The following EPCIP variants were observed in gnomAD, a reference collection of about 807,000 sequenced individuals.
The protein encoded by EPCIP is exosomal polycystin 1 interacting protein.
chr21:32,790,935 A>G, the EPCIP span: 3 of 152,284 alleles, frequency 2.0e-5, no homozygotes, highest in African/African-American at 7.2e-5. Flanking sequence ...GAGAATTCAC[A>G]TAACAACCTG....
the EPCIP span, among the ~76,000 whole-genome samples, chr21:32,812,775 C>T: frequency 6.6e-6 from 1 of 152,020 alleles, no homozygotes; most frequent in Non-Finnish European, 1.5e-5. Context: ...TCAGTATACA[C>T]CAACATACTT....
At chr21:32,809,284 CTTTCTTT>C in the EPCIP span, among the ~76,000 whole-genome samples, 158 of 107,614 alleles carry the variant, frequency 1.5e-3, 1 homozygote, top group African/African-American at 5.5e-3. Context: ...TCCTTCCTTT[CTTTCTTT>C]CTTTCTTTCT....
chr21:32,802,282 G>A, the EPCIP span, among the ~76,000 whole-genome samples: 2 of 152,196 alleles, frequency 1.3e-5, no homozygotes, highest in African/African-American at 2.4e-5. Context: ...ACAAACTGTA[G>A]CATTTTTAAA....
chr21:32,804,680 G>T, the EPCIP span, among the ~76,000 whole-genome samples: 1 of 152,028 alleles, frequency 6.6e-6, no homozygotes, highest in Non-Finnish European at 1.5e-5. Context: ...CAGAGAACAA[G>T]CACAGCGTAA....
At chr21:32,809,497 C>T in the EPCIP span, among the ~76,000 whole-genome samples, 3 of 151,622 alleles carry the variant, frequency 2.0e-5, no homozygotes, top group African/African-American at 4.9e-5. Context: ...CCTCAGCCTC[C>T]TGAGTAGCTA....
At chr21:32,803,575 T>G in the EPCIP span, among the ~76,000 whole-genome samples, 1 of 152,250 alleles carries the variant, frequency 6.6e-6, no homozygotes, top group Non-Finnish European at 1.5e-5. Context: ...AGCATTTTTC[T>G]TTTCTTTGGC....
At chr21:32,802,182 T>A in the EPCIP span, among the ~76,000 whole-genome samples, 1 of 152,206 alleles carries the variant, frequency 6.6e-6, no homozygotes, top group Non-Finnish European at 1.5e-5. Context: ...TAAATGATTT[T>A]AAAACCCTCC....
At chr21:32,804,470 T>C in the EPCIP span, among the ~76,000 whole-genome samples, 1 of 151,922 alleles carries the variant, frequency 6.6e-6, no homozygotes, top group Non-Finnish European at 1.5e-5. Flanking sequence ...GTATTATGTA[T>C]ATTGTATACT....
At chr21:32,806,195 G>A in the EPCIP span, among the ~76,000 whole-genome samples, 2 of 152,204 alleles carry the variant, frequency 1.3e-5, no homozygotes, top group Non-Finnish European at 2.9e-5. Context: ...GTGACATTGA[G>A]TGGTGGACAG....
At chr21:32,798,289 G>C in the EPCIP span, 1 of 152,338 alleles carries the variant, frequency 6.6e-6, no homozygotes. Context: ...CCACCCTGTT[G>C]TGGTATCTGC....
At chr21:32,797,785 A>C in the EPCIP span, 3 of 152,226 alleles carry the variant, frequency 2.0e-5, no homozygotes, top group Non-Finnish European at 2.9e-5. Flanking sequence ...AAAAATAAAA[A>C]AATAAACAAA....
chr21:32,812,389 C>CA, the EPCIP span, among the ~76,000 whole-genome samples: 1 of 152,166 alleles, frequency 6.6e-6, no homozygotes, highest in African/African-American at 2.4e-5. Flanking sequence ...CCCACAGACA[C>CA]AGACACAAGC....
At chr21:32,799,803 G>A in the EPCIP span, among the ~76,000 whole-genome samples, 2 of 152,134 alleles carry the variant, frequency 1.3e-5, no homozygotes, top group African/African-American at 4.8e-5. Context: ...TTAGCCAGGT[G>A]TGGTGGTGCA....
At chr21:32,798,289 G>T in the EPCIP span, 1 of 152,338 alleles carries the variant, frequency 6.6e-6, no homozygotes, top group Admixed American at 6.5e-5. Flanking sequence ...CCACCCTGTT[G>T]TGGTATCTGC....
At chr21:32,812,663 C>T in the EPCIP span, among the ~76,000 whole-genome samples, 14 of 151,642 alleles carry the variant, frequency 9.2e-5, no homozygotes, top group Admixed American at 3.3e-4. Flanking sequence ...TGGCTCTTTT[C>T]GGTAAAAAAT....
chr21:32,802,811 T>C, the EPCIP span, among the ~76,000 whole-genome samples: 3 of 152,148 alleles, frequency 2.0e-5, no homozygotes, highest in Non-Finnish European at 4.4e-5. Flanking sequence ...AGCATTTGTC[T>C]CTCTCTGTCT....
At chr21:32,794,059 A>C in the EPCIP span, 3 of 1,614,040 alleles carry the variant, frequency 1.9e-6, no homozygotes, top group Non-Finnish European at 2.5e-6. Context: ...GCCTCTTCAG[A>C]CCACAAATAG....
At chr21:32,792,734 G>A in the EPCIP span, among the ~76,000 whole-genome samples, 1 of 152,104 alleles carries the variant, frequency 6.6e-6, no homozygotes, top group Non-Finnish European at 1.5e-5. Flanking sequence ...TTTCACTGCT[G>A]CATCCCTCTC....
chr21:32,812,658 CT>C, the EPCIP span, among the ~76,000 whole-genome samples: 1 of 151,808 alleles, frequency 6.6e-6, no homozygotes, highest in Non-Finnish European at 1.5e-5. Context: ...AAGGATGGCT[CT>C]TTTCGGTAAA....
Sources: allele counts gnomAD v4.1 joint callset (sites outside exome capture counted in the v4.1 genomes callset), GRCh38; gene constraint gnomAD v4.1.1; transcripts MANE v1.5; gene names NCBI Gene and HGNC (gene_info 2026-07-23, HGNC 2026-07-21).